Variants in TMEM230 observed in about 807,000 individuals in gnomAD.
TMEM230 encodes the protein transmembrane protein 230.
In TMEM230, 10 loss-of-function variants were observed where a neutral mutation model predicts 15.8. That is an observed-to-expected ratio of 0.63 (90% confidence interval 0.39 to 1.07). The LOEUF is 1.07. Among genes scored for constraint, TMEM230 ranks in the 50% least tolerant of loss-of-function variants. The probability of loss-of-function intolerance (pLI) is 0.01; values close to 1 mark genes in which losing one functional copy is unlikely to be tolerated. For missense variants in TMEM230, 165 were observed against 193.3 expected (o/e 0.85, Z 0.87); for synonymous variants, 67 against 76.9 (o/e 0.87, Z 0.68).
chr20:5,105,944 T>C (rs1321101467), intron 4 of TMEM230, among the ~76,000 whole-genome samples: 2 of 151,942 alleles, frequency 1.3e-5, no homozygotes, highest in African/African-American at 4.8e-5. Context: ...CACACACGTG[T>C]AGTCCCAGCT....
At chr20:5,104,807 C>T (rs896552580) in intron 4 of TMEM230, among the ~76,000 whole-genome samples, 2 of 151,898 alleles carry the variant, frequency 1.3e-5, no homozygotes, top group Admixed American at 6.6e-5. Flanking sequence ...CACTCATTTG[C>T]GGGAACTAAA....
chr20:5,073,329 A>G (rs2088887117), intron 3 of TMEM230, among the ~76,000 whole-genome samples: 1 of 152,208 alleles, frequency 6.6e-6, no homozygotes, highest in African/African-American at 2.4e-5. Context: ...ACAATGAGAG[A>G]GAATGTGGAC....
downstream of TMEM230, among the ~76,000 whole-genome samples, chr20:5,099,191 A>AAAAT (rs60562203): frequency 0.041 from 4,619 of 112,678 alleles, 96 homozygotes; most frequent in Middle Eastern, 0.047. Flanking sequence ...ACTCTGTCTC[A>AAAAT]AAATAAATAA....
intron 3 of TMEM230, among the ~76,000 whole-genome samples, chr20:5,071,448 C>T (rs1292816229): frequency 6.6e-6 from 1 of 151,832 alleles, no homozygotes; most frequent in Non-Finnish European, 1.5e-5. Flanking sequence ...AACAAGGAGA[C>T]ACCCCGTCTC....
chr20:5,076,176 G>T (rs183772798), intron 3 of TMEM230, among the ~76,000 whole-genome samples: 14 of 152,148 alleles, frequency 9.2e-5, no homozygotes, highest in Non-Finnish European at 1.5e-4. Flanking sequence ...GTGTCCTAAG[G>T]GTACTTTCTA....
At chr20:5,108,983 C>T (rs1235422353) in intron 3 of TMEM230, among the ~76,000 whole-genome samples, 1 of 151,888 alleles carries the variant, frequency 6.6e-6, no homozygotes, top group Non-Finnish European at 1.5e-5. Flanking sequence ...AAAATTCCAC[C>T]TAACAAAAAT....
chr20:5,110,531 C>G (rs2090270681), intron 2 of TMEM230, among the ~76,000 whole-genome samples: 1 of 152,114 alleles, frequency 6.6e-6, no homozygotes, highest in Non-Finnish European at 1.5e-5. Context: ...GTGTTCTGCC[C>G]AACTCAGCCT....
chr20:5,101,495 C>T (rs1176373636), intron 4 of TMEM230, among the ~76,000 whole-genome samples: 1 of 151,968 alleles, frequency 6.6e-6, no homozygotes, highest in Non-Finnish European at 1.5e-5. Context: ...GATTACAGCT[C>T]ACTGCAACCT....
chr20:5,067,168 A>G (rs1215375119), downstream of TMEM230: 1 of 151,754 alleles, frequency 6.6e-6, no homozygotes, highest in Non-Finnish European at 1.5e-5. Context: ...ATGCTTCAGA[A>G]TTATCCGGTG....
the TMEM230 span, among the ~76,000 whole-genome samples, chr20:5,061,746 C>G: frequency 6.6e-6 from 1 of 151,966 alleles, no homozygotes; most frequent in Non-Finnish European, 1.5e-5. Context: ...AGCAAAGGAC[C>G]AATTTCAACA....
chr20:5,104,463 C>T (rs567554327), intron 4 of TMEM230, among the ~76,000 whole-genome samples: 22 of 152,152 alleles, frequency 1.4e-4, no homozygotes, highest in Non-Finnish European at 2.2e-4. Context: ...ATTAGTATAG[C>T]CACTATGGAG....
chr20:5,112,653 C>G, intron 1 of TMEM230: 5 of 1,336,510 alleles, frequency 3.7e-6, no homozygotes, highest in Non-Finnish European at 4.8e-6. Context: ...TCCCTCAGCA[C>G]CTGAATGTTA....
At chr20:5,076,368 C>T (rs1187061160) in intron 3 of TMEM230, among the ~76,000 whole-genome samples, 6 of 151,808 alleles carry the variant, frequency 4.0e-5, no homozygotes, top group African/African-American at 7.3e-5. Context: ...GGCGAAACCC[C>T]GTCTCTACTA....
At chr20:5,099,296 G>A (rs2089764199), downstream of TMEM230, among the ~76,000 whole-genome samples, 1 of 151,994 alleles carries the variant, frequency 6.6e-6, no homozygotes, top group African/African-American at 2.4e-5. Flanking sequence ...CTTCTGATCT[G>A]AGCTTTGCTC....
At chr20:5,059,146 T>C in the TMEM230 span, among the ~76,000 whole-genome samples, 58,817 of 151,902 alleles carry the variant, frequency 0.39, 11,698 homozygotes, top group African/African-American at 0.42. Context: ...GTTTTATTTT[T>C]GTTTTCTTTC....
chr20:5,060,332 C>CTTTTTTTTTTTT, the TMEM230 span, among the ~76,000 whole-genome samples: 1 of 102,910 alleles, frequency 9.7e-6, no homozygotes, highest in Non-Finnish European at 1.9e-5. Flanking sequence ...AGTGTATTGT[C>CTTTTTTTTTTTT]TTTTTTTTTT....
At chr20:5,092,731 A>AAAAAAAAG in intron 3 of TMEM230, among the ~76,000 whole-genome samples, 1 of 151,578 alleles carries the variant, frequency 6.6e-6, no homozygotes, top group South Asian at 2.1e-4. Context: ...AAAAAAAAAA[A>AAAAAAAAG]AGAGAGAGAG....
At chr20:5,111,032 A>T (rs1270762308) in intron 2 of TMEM230, 6 of 152,178 alleles carry the variant, frequency 3.9e-5, no homozygotes, top group African/African-American at 1.4e-4. Context: ...AACTACAAAA[A>T]TTAGCCAGGT....
chr20:5,080,470 A>T (rs1390381802), intron 3 of TMEM230, among the ~76,000 whole-genome samples: 1 of 152,162 alleles, frequency 6.6e-6, no homozygotes, highest in African/African-American at 2.4e-5. Flanking sequence ...GGCAGCAGCT[A>T]GCGTGTTCAG....
Sources: gnomAD v4.1 joint callset for allele counts (sites outside exome capture counted in the v4.1 genomes callset) on GRCh38, gnomAD v4.1.1 for gene constraint, MANE v1.5 for transcripts, NCBI Gene and HGNC (gene_info 2026-07-23, HGNC 2026-07-21) for gene names.